Variants in CDH20 observed in about 807,000 individuals in gnomAD.
The protein encoded by CDH20 is cadherin 20.
CDH20 carries 29 observed loss-of-function variants against 74.2 expected under a neutral mutation model. That is an observed-to-expected ratio of 0.39 (90% CI 0.29 to 0.53). The LOEUF (loss-of-function observed/expected upper bound fraction) is 0.53, where lower values mean the gene tolerates loss of function less well. Among genes scored for constraint, CDH20 ranks in the 20% least tolerant of loss-of-function variants. The pLI, the probability that CDH20 is intolerant of heterozygous loss-of-function variation, is 0.69. For missense variants in CDH20, 988 were observed against 1,048.3 expected, an observed-to-expected ratio of 0.94 and a Z score of 0.79; for synonymous variants, 469 against 405.4, an observed-to-expected ratio of 1.16 and a Z score of -1.88.
chr18:61,406,862 T>C (rs930625661), intron 1 of CDH20, among the ~76,000 whole-genome samples: 5 of 151,834 alleles, frequency 3.3e-5, no homozygotes, highest in Admixed American at 3.3e-4. Context: ...CAAAATCTCC[T>C]CCCAACACAG....
rs767650409 is a variant in CDH20, at chr18:61,539,163, T to C, written c.1530+18T>C. The C allele has an allele frequency of 6.2e-7, 1 of 1,612,980 alleles. No homozygotes were observed. The highest frequency in any genetic ancestry group is 1.7e-5 in the Admixed American group (1 of 59,776). On this transcript the variant is annotated intron_variant, in intron 9 of 11. Coordinates refer to ENST00000262717, the MANE Select transcript of CDH20 (RefSeq NM_031891.4). The stretch of plus-strand genomic sequence containing the variant: ...CAGGACAGGTAAGGTGGCCTGTGGG[T>C]GGTGCACTCTGCTTAACCCCTAACT...
intron 1 of CDH20, among the ~76,000 whole-genome samples, chr18:61,416,869 G>A (rs1017003973): frequency 2.0e-5 from 3 of 152,108 alleles, no homozygotes; most frequent in Admixed American, 1.3e-4. Flanking sequence ...AACAGAAGAT[G>A]ACTACAAACA....
chr18:61,373,567 C>A (rs548372039), intron 1 of CDH20, among the ~76,000 whole-genome samples: 1 of 152,230 alleles, frequency 6.6e-6, no homozygotes, highest in South Asian at 2.1e-4. Context: ...AAGCATGGGA[C>A]ACACCTTAAT....
chr18:61,504,841 T>C (rs1057210448), intron 5 of CDH20, among the ~76,000 whole-genome samples: 1 of 152,132 alleles, frequency 6.6e-6, no homozygotes, highest in South Asian at 2.1e-4. Flanking sequence ...AATATTTACA[T>C]GCAAATGGAA....
Position 61,554,607 on chromosome 18 carries a change from G to GCTT in CDH20, c.2320_2322dup (p.Phe774dup), listed in dbSNP as rs1429891129. ...TCGGCCACGTCGGACTCGGAACAGA[G>GCTT]CTTCGACTTCCTGACGGACTGGGGG... is the stretch of plus-strand genomic sequence containing the variant. On this transcript the variant is annotated inframe_insertion, in exon 12 of 12. Transcript: ENST00000262717. 3.1e-6 allele frequency: 5 copies of GCTT among 1,608,304 alleles called. No individual in the cohort carries two copies. Among genetic ancestry groups the GCTT allele is most frequent in the Non-Finnish European group, 4.2e-6 (5 of 1,178,260 alleles).
intron 1 of CDH20, among the ~76,000 whole-genome samples, chr18:61,490,134 G>A (rs112465975): frequency 6.6e-6 from 1 of 152,074 alleles, no homozygotes; most frequent in Admixed American, 6.6e-5. Context: ...TAACCCTCCA[G>A]CTAAGTTACC....
intron 1 of CDH20, among the ~76,000 whole-genome samples, chr18:61,465,083 C>T (rs8091302): frequency 0.025 from 3,878 of 152,274 alleles, 156 homozygotes; most frequent in African/African-American, 0.087. Flanking sequence ...CAAGTAAACC[C>T]TCAGGAGTAT....
At position 61,538,584 on chromosome 18, in the gene CDH20, G is replaced by GTTTTTT. The variant is rs1568182044; in HGVS notation, c.1409-437_1409-436insTTTTTT. Among the ~76,000 whole-genome samples, 24 of 55,814 alleles carry GTTTTTT rather than the reference G, an allele frequency of 4.3e-4. 2 individuals are homozygous for GTTTTTT. The highest frequency in any genetic ancestry group is 5.9e-4 in the Non-Finnish European group (17 of 28,594). The allele number at this position is 55,814 out of a possible 152,430, so 36.6% of individuals were successfully genotyped here. ...CTCACCAAGTAAATAACTACTTTTT[G>GTTTTTT]TTTGTTTGTTTGTTTTTGTTTTTGT... On this transcript the variant is annotated intron_variant, in intron 8 of 11. Coordinates refer to ENST00000262717, the MANE Select transcript of CDH20 (RefSeq NM_031891.4).
intron 7 of CDH20, among the ~76,000 whole-genome samples, chr18:61,535,219 G>A (rs187646009): frequency 3.2e-4 from 48 of 151,970 alleles, no homozygotes; most frequent in African/African-American, 1.0e-3. Flanking sequence ...GGGAGGCTGC[G>A]GCAGGAGAAT....
intron 1 of CDH20, among the ~76,000 whole-genome samples, chr18:61,450,628 G>A (rs1386733789): frequency 6.6e-6 from 1 of 151,876 alleles, no homozygotes; most frequent in Admixed American, 6.6e-5. Flanking sequence ...AAATAGAAAG[G>A]TTTGCCTCTT....
In CDH20 at chr18:61,500,214, T is replaced by C. The variant is rs193087139; in HGVS notation, c.542-169T>C. 3.4e-5 allele frequency among the ~76,000 whole-genome samples: 5 copies of C among 148,806 alleles called. No individual in the cohort carries two copies. In the East Asian group the frequency reaches 1.0e-3, roughly 30 times the overall value. ...CAGAATTTAAAGCACAAATAACTCT[T>C]ATCCCTACTAAACAGGTACAAGATA... On this transcript the variant is annotated intron_variant, in intron 3 of 11. Transcript: ENST00000262717.
In CDH20 at chr18:61,459,220, C is replaced by CACT. The variant is rs561082183; in HGVS notation, c.-152-31181_-152-31179dup. Among the ~76,000 whole-genome samples, 402 of 152,290 alleles carry CACT rather than the reference C, an allele frequency of 2.6e-3. 2 individuals carry two copies. The highest frequency in any genetic ancestry group is 9.1e-3 in the African/African-American group (379 of 41,562). ...CTTAGTGCTAAGTACATAGTAAGGA[C>CACT]ACTCTATCACCTCTGGTAAAATTAT... is the stretch of plus-strand genomic sequence containing the variant. On this transcript the variant is annotated intron_variant, in intron 1 of 11. Coordinates refer to ENST00000262717, the MANE Select transcript of CDH20 (RefSeq NM_031891.4).
At chr18:61,480,061 T>C (rs879065838) in intron 1 of CDH20, among the ~76,000 whole-genome samples, 1 of 152,080 alleles carries the variant, frequency 6.6e-6, no homozygotes, top group Admixed American at 6.6e-5. Flanking sequence ...AATATAGTCT[T>C]ATAGTGAGGA....
At chr18:61,458,389 T>G (rs986943591) in intron 1 of CDH20, among the ~76,000 whole-genome samples, 1 of 152,156 alleles carries the variant, frequency 6.6e-6, no homozygotes, top group Non-Finnish European at 1.5e-5. Flanking sequence ...TTTGCCATAT[T>G]TGGGGGAAAG....
At chr18:61,360,400 C>G (rs999063717) in intron 1 of CDH20, among the ~76,000 whole-genome samples, 1 of 152,172 alleles carries the variant, frequency 6.6e-6, no homozygotes, top group African/African-American at 2.4e-5. Context: ...TTCATTAACA[C>G]TTAATGGAGG....
At chr18:61,527,767 CAA>C (rs1912481644) in intron 6 of CDH20, among the ~76,000 whole-genome samples, 198 bp from the exon 7 acceptor site, 1 of 152,124 alleles carries the variant, frequency 6.6e-6, no homozygotes. Flanking sequence ...CTTCTTTACC[CAA>C]AGTGTTGAAA....
chr18:61,479,624 G>A (rs1455715611), intron 1 of CDH20, among the ~76,000 whole-genome samples: 1 of 151,590 alleles, frequency 6.6e-6, no homozygotes, highest in African/African-American at 2.4e-5. Flanking sequence ...CAATTGCCTA[G>A]GGTTTTCTTT....
intron 1 of CDH20, among the ~76,000 whole-genome samples, chr18:61,441,938 T>A (rs1229684654): frequency 6.6e-6 from 1 of 152,162 alleles, no homozygotes; most frequent in South Asian, 2.1e-4. Flanking sequence ...AAATCCTGAA[T>A]CAGTTGGCTT....
chr18:61,427,407 C>T (rs1036873101), intron 1 of CDH20, among the ~76,000 whole-genome samples: 6 of 152,042 alleles, frequency 3.9e-5, no homozygotes, highest in African/African-American at 7.2e-5. Context: ...ACCTAGAAAG[C>T]GGAGGAATCA....
Sources: allele counts gnomAD v4.1 joint callset (sites outside exome capture counted in the v4.1 genomes callset), GRCh38; gene constraint gnomAD v4.1.1; transcripts MANE v1.5; gene names NCBI Gene and HGNC (gene_info 2026-07-23, HGNC 2026-07-21).